KDM8: variants seen among roughly 807,000 people sequenced by gnomAD.
KDM8 encodes the protein lysine demethylase 8.
KDM8 carries 35 observed loss-of-function variants against 46.9 expected under a neutral mutation model. The observed-to-expected ratio is 0.75, with a 90% CI of 0.57 to 0.99. The LOEUF is 0.99. Ranked by LOEUF, KDM8 falls within the 50% of genes least tolerant of loss-of-function variation. The probability of loss-of-function intolerance (pLI) is 0.00; values close to 1 mark genes in which losing one functional copy is unlikely to be tolerated. For missense variants in KDM8, 475 were observed against 537.0 expected (o/e 0.88, Z 1.14); for synonymous variants, 232 against 227.7 (o/e 1.02, Z -0.17).
At chr16:27,216,693 G>C (rs1256552537) in intron 5 of KDM8, among the ~76,000 whole-genome samples, 1 of 152,172 alleles carries the variant, frequency 6.6e-6, no homozygotes, top group Non-Finnish European at 1.5e-5. Context: ...TGTGCCAGGA[G>C]CCTTCATGCC....
chr16:27,219,222 T>TG, intron 6 of KDM8, 112 bp downstream of exon 6: 4 of 1,195,794 alleles, frequency 3.3e-6, no homozygotes, highest in Non-Finnish European at 4.6e-6. Context: ...CAAGAAGCAC[T>TG]GAAGGGGATG....
At position 27,210,105 on chromosome 16, in the gene KDM8, A is replaced by G; in HGVS notation, c.-19A>G. Reference sequence around the variant, plus strand: ...TCCACCTCCCCAGGCACGGGACTGAACCAGCTGGTGGTGGCCCGATGGCTG... The same window carrying G: ...TCCACCTCCCCAGGCACGGGACTGAGCCAGCTGGTGGTGGCCCGATGGCTG... On this transcript the variant is annotated 5_prime_UTR_variant, in exon 2 of 8. Coordinates refer to ENST00000286096, the MANE Select transcript of KDM8 (RefSeq NM_024773.3). The G allele has an allele frequency of 6.2e-7, 1 of 1,607,270 alleles. No individual in the cohort carries two copies. Among genetic ancestry groups the G allele is most frequent in the South Asian group, 1.1e-5 (1 of 90,542 alleles).
chr16:27,218,905 G>A (rs2083584461), intron 5 of KDM8, 56 bp from the exon 6 acceptor site: 3 of 1,606,622 alleles, frequency 1.9e-6, no homozygotes, highest in Non-Finnish European at 2.6e-6. Context: ...TTGGCCTCCG[G>A]GCTGCGGTGT....
chr16:27,218,043 G>T (rs1279913558), intron 5 of KDM8, among the ~76,000 whole-genome samples: 1 of 152,044 alleles, frequency 6.6e-6, no homozygotes, highest in African/African-American at 2.4e-5. Context: ...GCCATGTGCA[G>T]TGGCTCATAC....
Sources: gnomAD v4.1 joint callset for allele counts (sites outside exome capture counted in the v4.1 genomes callset) on GRCh38, gnomAD v4.1.1 for gene constraint, MANE v1.5 for transcripts, NCBI Gene and HGNC (gene_info 2026-07-23, HGNC 2026-07-21) for gene names.